DCAF6: variants seen among roughly 807,000 people sequenced by gnomAD.
DCAF6 encodes DDB1 and CUL4 associated factor 6.
Under a neutral mutation model 125.1 loss-of-function variants are expected in DCAF6, and 54 were observed. The ratio of observed to expected loss-of-function variants is 0.43; its 90% CI spans 0.35 to 0.54. The LOEUF is 0.54. Among genes scored for constraint, DCAF6 ranks in the 20% least tolerant of loss-of-function variants. DCAF6 has a pLI of 0.01. For missense variants in DCAF6, 934 were observed against 1,161.7 expected, an observed-to-expected ratio of 0.80 and a Z score of 2.85; for synonymous variants, 371 against 390.4, an observed-to-expected ratio of 0.95 and a Z score of 0.58.
At chr1:167,880,502 G>A in the DCAF6 span, 1 of 1,613,322 alleles carries the variant, frequency 6.2e-7, no homozygotes, top group Non-Finnish European at 8.5e-7. Context: ...GGATTTTGTG[G>A]ACTTGAGAGC....
At chr1:167,913,776 T>C in the DCAF6 span, among the ~76,000 whole-genome samples, 4 of 152,262 alleles carry the variant, frequency 2.6e-5, no homozygotes, top group Non-Finnish European at 5.9e-5. Flanking sequence ...GCATCCAGGT[T>C]GAGAAGGTGA....
chr1:168,067,585 G>A (rs1692493257), intron 20 of DCAF6, among the ~76,000 whole-genome samples: 1 of 152,142 alleles, frequency 6.6e-6, no homozygotes. Flanking sequence ...CAGTGTGCCT[G>A]GAACCCTAGA....
At chr1:167,948,260 T>G (rs1673391268) in intron 1 of DCAF6, among the ~76,000 whole-genome samples, 1 of 152,142 alleles carries the variant, frequency 6.6e-6, no homozygotes, top group Admixed American at 6.5e-5. Context: ...TTACACTGTA[T>G]TTGTCTGGTG....
chr1:167,935,227 C>A (rs1412075529), upstream of DCAF6, among the ~76,000 whole-genome samples: 1 of 152,192 alleles, frequency 6.6e-6, no homozygotes, highest in African/African-American at 2.4e-5. Flanking sequence ...ATGACACTGA[C>A]TCAAGCCTGG....
At chr1:167,938,666 C>T (rs1671741947) in intron 1 of DCAF6, among the ~76,000 whole-genome samples, 2 of 152,112 alleles carry the variant, frequency 1.3e-5, no homozygotes, top group African/African-American at 2.4e-5. Flanking sequence ...ATAAAACAAA[C>T]GTTAACATTG....
chr1:167,954,629 T>G (rs1465069680), intron 2 of DCAF6, among the ~76,000 whole-genome samples: 1 of 151,890 alleles, frequency 6.6e-6, no homozygotes, highest in Non-Finnish European at 1.5e-5. Flanking sequence ...ATTTTTGGTA[T>G]TTTTAGTAGA....
At chr1:167,924,070 T>G in the DCAF6 span, among the ~76,000 whole-genome samples, 1 of 152,236 alleles carries the variant, frequency 6.6e-6, no homozygotes, top group Admixed American at 6.5e-5. Flanking sequence ...CAAATGCTAA[T>G]ATTTATATTC....
chr1:168,017,935 T>C (rs1685191849), intron 11 of DCAF6, among the ~76,000 whole-genome samples: 1 of 152,204 alleles, frequency 6.6e-6, no homozygotes, highest in Non-Finnish European at 1.5e-5. Flanking sequence ...TCTTCTCACC[T>C]ATTTAAGTGT....
intron 7 of DCAF6, among the ~76,000 whole-genome samples, chr1:167,995,805 A>G (rs1681584469): frequency 6.6e-6 from 1 of 152,138 alleles, no homozygotes; most frequent in Non-Finnish European, 1.5e-5. Context: ...AACTTTGATG[A>G]TAGTATTCAG....
At chr1:168,054,152 A>G (rs1690303391) in intron 17 of DCAF6, among the ~76,000 whole-genome samples, 1 of 152,210 alleles carries the variant, frequency 6.6e-6, no homozygotes. Flanking sequence ...ACATACTAAT[A>G]GTATCTTAGT....
chr1:167,989,333 T>C (rs193265371), intron 5 of DCAF6, among the ~76,000 whole-genome samples: 1 of 152,306 alleles, frequency 6.6e-6, no homozygotes, highest in East Asian at 1.9e-4. Context: ...GTTGTGTTTT[T>C]CTAAACAAAA....
intron 1 of DCAF6, among the ~76,000 whole-genome samples, chr1:167,942,998 C>G (rs980290833): frequency 6.6e-6 from 1 of 152,164 alleles, no homozygotes; most frequent in Non-Finnish European, 1.5e-5. Flanking sequence ...GCTCCGCCTC[C>G]TGGGTTCACA....
chr1:167,942,214 G>A (rs1028290638), intron 1 of DCAF6, among the ~76,000 whole-genome samples: 6 of 151,428 alleles, frequency 4.0e-5, no homozygotes, highest in African/African-American at 1.5e-4. Context: ...ATGGGCATGC[G>A]CCACCATGCC....
intron 3 of DCAF6, among the ~76,000 whole-genome samples, chr1:167,973,757 C>A (rs1677706969): frequency 6.6e-6 from 1 of 151,866 alleles, no homozygotes; most frequent in Admixed American, 6.6e-5. Flanking sequence ...TCCCCACTCA[C>A]CTCTCTATTG....
chr1:167,896,848 A>G, the DCAF6 span, among the ~76,000 whole-genome samples: 2 of 152,210 alleles, frequency 1.3e-5, no homozygotes, highest in Non-Finnish European at 2.9e-5. Context: ...GAAATTTTAA[A>G]TTGAAAATCT....
the DCAF6 span, chr1:167,875,131 C>A: frequency 6.2e-7 from 1 of 1,613,778 alleles, no homozygotes; most frequent in Non-Finnish European, 8.5e-7. Flanking sequence ...TACTACCTAC[C>A]CAGCAAAGGG....
chr1:167,951,142 T>C, intron 1 of DCAF6, among the ~76,000 whole-genome samples: 1 of 152,236 alleles, frequency 6.6e-6, no homozygotes, highest in Admixed American at 6.5e-5. Context: ...AGAAATCTTT[T>C]TGTTTTATTT....
At chr1:168,052,444 G>A (rs928013565) in intron 17 of DCAF6, among the ~76,000 whole-genome samples, 1 of 152,162 alleles carries the variant, frequency 6.6e-6, no homozygotes, top group Admixed American at 6.5e-5. Flanking sequence ...TGAATGAGGT[G>A]AGACTCATTC....
chr1:167,995,431 G>A (rs894091038), intron 7 of DCAF6, among the ~76,000 whole-genome samples: 28 of 152,178 alleles, frequency 1.8e-4, no homozygotes, highest in South Asian at 2.1e-4. Context: ...TGTAATCCTA[G>A]CACTTTGGGA....
Sources: gnomAD v4.1 joint callset for allele counts (sites outside exome capture counted in the v4.1 genomes callset) on GRCh38, gnomAD v4.1.1 for gene constraint, MANE v1.5 for transcripts, NCBI Gene and HGNC (gene_info 2026-07-23, HGNC 2026-07-21) for gene names.